Variants in OCA2 observed in about 807,000 individuals in gnomAD.
OCA2 encodes OCA2 melanosomal transmembrane protein, also known as P protein.
Under a neutral mutation model 100.2 loss-of-function variants are expected in OCA2, and 77 were observed. The ratio of observed to expected loss-of-function variants is 0.77; its 90% CI spans 0.64 to 0.93. The LOEUF is 0.93. OCA2 is among the 40% of genes least tolerant of loss of function. OCA2 has a pLI of 0.00. For synonymous variants in OCA2, 432 were observed against 439.2 expected (o/e 0.98, Z 0.21); for missense variants, 1,062 against 1,089.1 (o/e 0.98, Z 0.35).
intron 23 of OCA2, among the ~76,000 whole-genome samples, chr15:27,832,980 A>AT (rs151226140): frequency 2.0e-5 from 3 of 151,586 alleles, no homozygotes; most frequent in Non-Finnish European, 2.9e-5. Flanking sequence ...CGCCCAGCTG[A>AT]TTTTTTTGTA....
intron 2 of OCA2, among the ~76,000 whole-genome samples, chr15:28,081,096 G>A (rs1347065952): frequency 1.3e-5 from 2 of 152,106 alleles, no homozygotes; most frequent in East Asian, 1.9e-4. Flanking sequence ...ACCACACAGG[G>A]GCGGGAGGAG....
chr15:28,030,130 A>G (rs1232920334), intron 3 of OCA2, among the ~76,000 whole-genome samples: 1 of 152,232 alleles, frequency 6.6e-6, no homozygotes, highest in African/African-American at 2.4e-5. Flanking sequence ...GGAGCAATGG[A>G]GGAGAATTCA....
At chr15:27,931,604 A>G (rs978076356) in intron 18 of OCA2, among the ~76,000 whole-genome samples, 22 of 152,214 alleles carry the variant, frequency 1.4e-4, no homozygotes, top group African/African-American at 5.3e-4. Flanking sequence ...CCAAAGTGCT[A>G]GGATTACAGG....
chr15:28,051,695 G>A (rs6497255), intron 2 of OCA2, among the ~76,000 whole-genome samples: 149,444 of 149,852 alleles, frequency 1, 74,520 homozygotes, highest in East Asian at 1. Context: ...AGACCATGGC[G>A]CACTGCAGCT....
intron 23 of OCA2, among the ~76,000 whole-genome samples, chr15:27,820,708 C>G (rs1183156696): frequency 6.6e-6 from 1 of 152,134 alleles, no homozygotes; most frequent in Non-Finnish European, 1.5e-5. Flanking sequence ...ATTAGAAAAG[C>G]GGTCAACACT....
At chr15:27,740,023 G>A in the OCA2 span, among the ~76,000 whole-genome samples, 1 of 152,176 alleles carries the variant, frequency 6.6e-6, no homozygotes, top group East Asian at 1.9e-4. Flanking sequence ...ACTATACACT[G>A]GTTATTTTTT....
At chr15:27,894,625 T>C (rs2037610022) in intron 19 of OCA2, among the ~76,000 whole-genome samples, 2 of 152,192 alleles carry the variant, frequency 1.3e-5, no homozygotes, top group Admixed American at 6.5e-5. Context: ...TCTTAGTGAT[T>C]TGACTCTCCT....
intron 1 of OCA2, among the ~76,000 whole-genome samples, chr15:28,094,488 ACCCTC>A (rs2044932079): frequency 1.3e-5 from 2 of 151,908 alleles, no homozygotes; most frequent in Non-Finnish European, 2.9e-5. Context: ...GGCGCCCAGG[ACCCTC>A]CTTCCAAGCA....
chr15:28,049,771 G>A lies in OCA2; in HGVS notation c.228-17608C>T, dbSNP rs1212326095. Among the ~76,000 whole-genome samples the A allele has an allele frequency of 3.3e-5, 5 of 152,158 alleles. No individual in the cohort carries two copies. In the East Asian group the frequency reaches 9.6e-4, roughly 29 times the overall value. Reference sequence around the variant, plus strand: ...TCTACAAAAGGTAAATACAGAGACAGAAAGGAAATTGCAGGTTCCAGAGCC... The same window carrying A: ...TCTACAAAAGGTAAATACAGAGACAAAAAGGAAATTGCAGGTTCCAGAGCC... On this transcript the variant is annotated intron_variant, in intron 2 of 23. Transcript: ENST00000354638.
the OCA2 span, among the ~76,000 whole-genome samples, chr15:27,731,745 C>T: frequency 1.3e-5 from 2 of 152,118 alleles, no homozygotes; most frequent in Non-Finnish European, 2.9e-5. Flanking sequence ...GCATCAGGTG[C>T]CGTGTGTTCA....
intron 18 of OCA2, among the ~76,000 whole-genome samples, chr15:27,926,828 G>C (rs918190334): frequency 6.6e-6 from 1 of 152,000 alleles, no homozygotes; most frequent in Non-Finnish European, 1.5e-5. Context: ...TGACCAGGCT[G>C]GTCTCACACT....
At chr15:27,989,490 G>T in intron 11 of OCA2, 111 bp downstream of exon 11, 1 of 843,504 alleles carries the variant, frequency 1.2e-6, no homozygotes, top group Non-Finnish European at 2.0e-6. Context: ...TCTCAGTCAA[G>T]CCCTAGGCGC....
At chr15:27,726,301 AAATAAATAAATAAATAAAT>A in the OCA2 span, among the ~76,000 whole-genome samples, 1 of 28,916 alleles carries the variant, frequency 3.5e-5, no homozygotes, top group Admixed American at 3.3e-4. Context: ...CCAGCTCAAA[AAATAAATAAATAAATAAAT>A]AAATAAATAA....
chr15:27,991,299 A>G (rs1248355449), intron 9 of OCA2, among the ~76,000 whole-genome samples: 1 of 152,230 alleles, frequency 6.6e-6, no homozygotes, highest in Non-Finnish European at 1.5e-5. Context: ...AATCCACCCA[A>G]AAGAAATGAA....
rs370239668 is a variant in OCA2 at position 27,983,367 on chromosome 15, G to A, written c.1481C>T (p.Ser494Phe). The A allele has an allele frequency of 6.2e-7, 1 of 1,614,084 alleles. No homozygotes were observed. The highest frequency in any genetic ancestry group is 1.3e-5 in the African/African-American group (1 of 74,930). Residue 494 changes from serine to phenylalanine, a missense_variant, in exon 14 of 24, where the codon TCC becomes TTC. By Grantham distance (155) the Ser-to-Phe change is radical. Transcript: ENST00000354638. ...TACCATCTTCCTCAGCTCTTGGTTG[G>A]AAACAATAATGACATTTGGAGGGTC... ...IGDPPNVIIV[S>F]NQELRKMGLD...
intron 23 of OCA2, among the ~76,000 whole-genome samples, chr15:27,791,396 A>G (rs1227159904): frequency 6.6e-6 from 1 of 152,210 alleles, no homozygotes; most frequent in Non-Finnish European, 1.5e-5. Flanking sequence ...TTGTAAATGA[A>G]AGAAGCCAGA....
chr15:28,063,621 TAAAAC>T (rs2043941172), intron 2 of OCA2, among the ~76,000 whole-genome samples: 1 of 152,170 alleles, frequency 6.6e-6, no homozygotes, highest in Non-Finnish European at 1.5e-5. Context: ...ATTATCATCT[TAAAAC>T]AATCTATTTA....
chr15:28,055,375 C>T (rs991675687), intron 2 of OCA2, among the ~76,000 whole-genome samples: 4 of 152,194 alleles, frequency 2.6e-5, no homozygotes, highest in African/African-American at 7.2e-5. Context: ...AAAGAAGCCT[C>T]GTCAAGTTGT....
At chr15:27,917,836 C>T (rs2038721033) in intron 19 of OCA2, among the ~76,000 whole-genome samples, 1 of 152,082 alleles carries the variant, frequency 6.6e-6, no homozygotes. Flanking sequence ...AGTTGATTGT[C>T]CCTTTTGGGC....
Sources: allele counts gnomAD v4.1 joint callset (sites outside exome capture counted in the v4.1 genomes callset), GRCh38; gene constraint gnomAD v4.1.1; transcripts MANE v1.5; gene names NCBI Gene and HGNC (gene_info 2026-07-23, HGNC 2026-07-21).